The following ADAMTSL1 variants were observed in gnomAD, a reference collection of about 807,000 sequenced individuals.
ADAMTSL1 encodes ADAMTS like 1, also known as ADAMTS-like protein 1.
Under a neutral mutation model 201.8 loss-of-function variants are expected in ADAMTSL1, and 126 were observed. The observed-to-expected ratio is 0.62, with a 90% CI of 0.54 to 0.72. ADAMTSL1 has a LOEUF of 0.72. Among genes scored for constraint, ADAMTSL1 ranks in the 30% least tolerant of loss-of-function variants. The pLI is 0.00. For synonymous variants in ADAMTSL1, 1,121 were observed against 903.4 expected, an observed-to-expected ratio of 1.24 and a Z score of -4.32; for missense variants, 2,679 against 2,277.8, an observed-to-expected ratio of 1.18 and a Z score of -3.59.
intron 2 of ADAMTSL1, among the ~76,000 whole-genome samples, chr9:18,315,624 T>C (rs1441589181): frequency 6.6e-6 from 1 of 151,906 alleles, no homozygotes; most frequent in Non-Finnish European, 1.5e-5. Flanking sequence ...CCGCTCTGAG[T>C]GCGGGGCCCA....
intron 2 of ADAMTSL1, among the ~76,000 whole-genome samples, chr9:18,193,292 G>A (rs1478590996): frequency 6.6e-6 from 1 of 152,140 alleles, no homozygotes; most frequent in East Asian, 1.9e-4. Context: ...TAGAATGCAA[G>A]TTGACTAGGA....
At chr9:18,630,013 C>T (rs920604118) in intron 5 of ADAMTSL1, among the ~76,000 whole-genome samples, 2 of 151,980 alleles carry the variant, frequency 1.3e-5, no homozygotes, top group African/African-American at 4.8e-5. Context: ...TTGCGTGCCT[C>T]ATTATTTTTT....
chr9:18,794,644 TG>T (rs1165668964), intron 19 of ADAMTSL1, among the ~76,000 whole-genome samples: 16 of 151,406 alleles, frequency 1.1e-4, no homozygotes, highest in East Asian at 3.9e-4. Context: ...TTGTTGTTGT[TG>T]TTTTTTGAGA....
intron 2 of ADAMTSL1, among the ~76,000 whole-genome samples, chr9:18,291,747 T>TCTCTCTCA (rs1354410845): frequency 1.4e-4 from 14 of 99,872 alleles, no homozygotes; most frequent in Non-Finnish European, 2.8e-4. Flanking sequence ...TCTCTCTCTC[T>TCTCTCTCA]CACACACACA....
intron 2 of ADAMTSL1, among the ~76,000 whole-genome samples, chr9:18,260,943 A>G (rs1831895186): frequency 6.7e-6 from 1 of 149,436 alleles, no homozygotes; most frequent in African/African-American, 2.5e-5. Context: ...TCAGCTCTAT[A>G]TATTTAGCAA....
intron 23 of ADAMTSL1, among the ~76,000 whole-genome samples, chr9:18,853,889 C>CTCTGTGTGTGTG (rs1314550014): frequency 8.3e-6 from 1 of 120,366 alleles, no homozygotes; most frequent in African/African-American, 2.6e-5. Flanking sequence ...TATTCACTCT[C>CTCTGTGTGTGTG]TGTGTGTGTG....
At chr9:18,771,045 G>A (rs559139538) in intron 17 of ADAMTSL1, among the ~76,000 whole-genome samples, 12 of 152,180 alleles carry the variant, frequency 7.9e-5, no homozygotes, top group African/African-American at 2.6e-4. Flanking sequence ...AGACCTCATT[G>A]GTGCTGTTTT....
intron 1 of ADAMTSL1, among the ~76,000 whole-genome samples, chr9:18,141,659 A>G (rs1826403389): frequency 6.6e-6 from 1 of 152,022 alleles, no homozygotes; most frequent in Non-Finnish European, 1.5e-5. Flanking sequence ...CCCCTCTCTC[A>G]CTGGACTACA....
chr9:18,246,920 A>G (rs1032399748), intron 2 of ADAMTSL1, among the ~76,000 whole-genome samples: 1 of 152,158 alleles, frequency 6.6e-6, no homozygotes, highest in Admixed American at 6.6e-5. Flanking sequence ...ATGCAAGACA[A>G]TGTATTTATT....
chr9:18,185,021 T>G (rs542901337), intron 2 of ADAMTSL1, among the ~76,000 whole-genome samples: 2 of 152,248 alleles, frequency 1.3e-5, no homozygotes, highest in South Asian at 4.1e-4. Context: ...AGAAGTCTTT[T>G]GTATTTTAGG....
At position 18,213,518 on chromosome 9, in the gene ADAMTSL1, A is replaced by G. The variant is rs988428750; in HGVS notation, c.207+49537A>G. Among the ~76,000 whole-genome samples, 3 of 152,198 alleles carry G rather than the reference A, an allele frequency of 2.0e-5. No homozygotes were observed. In the South Asian group the frequency reaches 6.2e-4, roughly 32 times the overall value. On this transcript the variant is annotated intron_variant, in intron 2 of 29. Coordinates refer to the ADAMTSL1 transcript ENST00000680146. The stretch of plus-strand genomic sequence containing the variant: ...TGAAAAGGTGATTGAGCCTGGGACT[A>G]GGTATTAGTGAGCTCACACTAAAGC...
chr9:18,545,442 C>A (rs1820413488), intron 3 of ADAMTSL1, among the ~76,000 whole-genome samples: 1 of 151,992 alleles, frequency 6.6e-6, no homozygotes, highest in African/African-American at 2.4e-5. Context: ...AAGGCTCAAG[C>A]ATTTTTACAA....
chr9:18,621,226 T>C (rs1826015710), intron 4 of ADAMTSL1, among the ~76,000 whole-genome samples: 1 of 152,220 alleles, frequency 6.6e-6, no homozygotes, highest in South Asian at 2.1e-4. Context: ...AGTTTGGATT[T>C]GAATTTCTAA....
At chr9:18,465,051 G>A (rs1373579292) in intron 2 of ADAMTSL1, among the ~76,000 whole-genome samples, 1 of 152,158 alleles carries the variant, frequency 6.6e-6, no homozygotes, top group Non-Finnish European at 1.5e-5. Context: ...GGATTCCTAT[G>A]TAATTAAGCT....
chr9:18,343,897 G>T (rs1158549469), intron 2 of ADAMTSL1, among the ~76,000 whole-genome samples: 1 of 152,068 alleles, frequency 6.6e-6, no homozygotes, highest in Non-Finnish European at 1.5e-5. Context: ...AATGTGATAA[G>T]CATGCTTCCC....
intron 2 of ADAMTSL1, among the ~76,000 whole-genome samples, chr9:18,230,083 C>G (rs977798916): frequency 3.3e-5 from 5 of 152,146 alleles, no homozygotes; most frequent in Admixed American, 2.0e-4. Context: ...ATTTCCCACC[C>G]TCAAATAACT....
intron 2 of ADAMTSL1, among the ~76,000 whole-genome samples, chr9:18,314,282 C>A (rs1271559295): frequency 6.6e-6 from 1 of 152,156 alleles, no homozygotes; most frequent in Admixed American, 6.5e-5. Flanking sequence ...TATGAAGATT[C>A]TTCTCAAAAT....
intron 2 of ADAMTSL1, among the ~76,000 whole-genome samples, chr9:18,176,827 C>A (rs1465581939): frequency 6.6e-6 from 1 of 152,120 alleles, no homozygotes. Context: ...GGGATAATGG[C>A]AAAGTACTTA....
chr9:18,181,193 A>C (rs1303542919), intron 2 of ADAMTSL1, among the ~76,000 whole-genome samples: 1 of 152,214 alleles, frequency 6.6e-6, no homozygotes, highest in Non-Finnish European at 1.5e-5. Context: ...CTAGAAGAAA[A>C]CCTAGGCAAC....
Sources: allele counts gnomAD v4.1 joint callset (sites outside exome capture counted in the v4.1 genomes callset), GRCh38; gene constraint gnomAD v4.1.1; transcripts MANE v1.5; gene names NCBI Gene and HGNC (gene_info 2026-07-23, HGNC 2026-07-21).